PDE4D: variants seen among roughly 807,000 people sequenced by gnomAD.
PDE4D encodes the protein phosphodiesterase 4D.
A neutral mutation model predicts 87.4 loss-of-function variants in PDE4D; 24 were observed. The ratio of observed to expected loss-of-function variants is 0.27; its 90% CI spans 0.20 to 0.39. The LOEUF is 0.39. Among genes scored for constraint, PDE4D ranks in the 10% least tolerant of loss-of-function variants. The probability of loss-of-function intolerance (pLI) is 1.00; values close to 1 mark genes in which losing one functional copy is unlikely to be tolerated. For missense variants in PDE4D, 714 were observed against 1,041.0 expected, an observed-to-expected ratio of 0.69 and a Z score of 4.32; for synonymous variants, 384 against 383.2, an observed-to-expected ratio of 1.00 and a Z score of -0.02.
chr5:60,451,278 G>C (rs573585449), intron 1 of PDE4D, among the ~76,000 whole-genome samples: 1 of 152,180 alleles, frequency 6.6e-6, no homozygotes, highest in East Asian at 1.9e-4. Context: ...ACATATTTGG[G>C]AGGTACATGT....
chr5:59,345,374 T>C (rs1779442514), intron 1 of PDE4D, among the ~76,000 whole-genome samples: 1 of 152,196 alleles, frequency 6.6e-6, no homozygotes, highest in Non-Finnish European at 1.5e-5. Flanking sequence ...AGATTATTTA[T>C]TGGTTTTTGC....
intron 1 of PDE4D, among the ~76,000 whole-genome samples, chr5:59,871,845 G>T (rs968845277): frequency 6.6e-6 from 1 of 152,130 alleles, no homozygotes; most frequent in Non-Finnish European, 1.5e-5. Flanking sequence ...AAACCTCGGG[G>T]TCATCACTGA....
intron 2 of PDE4D, among the ~76,000 whole-genome samples, chr5:60,072,850 T>C (rs1772871770): frequency 6.6e-6 from 1 of 152,142 alleles, no homozygotes; most frequent in African/African-American, 2.4e-5. Flanking sequence ...TCACTGGTCA[T>C]GTTTCTGTTT....
chr5:60,334,219 C>A (rs935271461), intron 1 of PDE4D, among the ~76,000 whole-genome samples: 4 of 152,142 alleles, frequency 2.6e-5, no homozygotes, highest in Admixed American at 2.0e-4. Flanking sequence ...CTGTATACAT[C>A]ATGAAAAGGC....
intron 1 of PDE4D, among the ~76,000 whole-genome samples, chr5:59,833,803 C>G (rs1383479132): frequency 3.3e-5 from 5 of 152,014 alleles, no homozygotes; most frequent in African/African-American, 1.2e-4. Flanking sequence ...GCTCAAGCAT[C>G]ACATATAGGT....
intron 6 of PDE4D, among the ~76,000 whole-genome samples, chr5:59,017,042 A>G (rs1428864776): frequency 6.6e-6 from 1 of 152,174 alleles, no homozygotes; most frequent in Non-Finnish European, 1.5e-5. Flanking sequence ...AATGCCTAGA[A>G]TAAGCCAACC....
At chr5:59,968,587 A>AT (rs1208995538) in intron 3 of PDE4D, among the ~76,000 whole-genome samples, 1 of 152,188 alleles carries the variant, frequency 6.6e-6, no homozygotes, top group Non-Finnish European at 1.5e-5. Context: ...GAAATAAAAA[A>AT]ATATATAAAG....
At chr5:59,068,257 A>C (rs1323740768) in intron 5 of PDE4D, among the ~76,000 whole-genome samples, 1 of 152,196 alleles carries the variant, frequency 6.6e-6, no homozygotes, top group East Asian at 1.9e-4. Context: ...GATTGTTGAT[A>C]TTGGTAGTGT....
At position 59,914,017 on chromosome 5, in the gene PDE4D, C is replaced by G. The variant is rs750068191; in HGVS notation, c.272+74471G>C. On this transcript the variant is annotated intron_variant, in intron 3 of 16. Coordinates refer to the PDE4D transcript ENST00000502484. Reference sequence around the variant, plus strand: ...ATGGTTTAAGAATAGTCTGGGCCACCTTGAGTAGAATATGTACATTTCTCT... The same window carrying G: ...ATGGTTTAAGAATAGTCTGGGCCACGTTGAGTAGAATATGTACATTTCTCT... 3.4e-4 allele frequency among the ~76,000 whole-genome samples: 51 copies of G among 152,184 alleles called. 2 individuals are homozygous for G. The highest frequency in any genetic ancestry group is 2.6e-4 in the Non-Finnish European group (18 of 67,988).
At chr5:58,976,249 G>A in intron 13 of PDE4D, 101 bp downstream of exon 13, 1 of 1,261,706 alleles carries the variant, frequency 7.9e-7, no homozygotes. Context: ...AAAGTATAAG[G>A]TGGGAGAAGG....
upstream of PDE4D, chr5:60,491,237 T>C (rs1749514666): frequency 6.6e-6 from 1 of 152,176 alleles, no homozygotes; most frequent in African/African-American, 2.4e-5. Flanking sequence ...AAAAAAATGC[T>C]TTAATTCAAA....
At chr5:60,129,314 CA>C (rs1187938195) in intron 2 of PDE4D, among the ~76,000 whole-genome samples, 1 of 152,056 alleles carries the variant, frequency 6.6e-6, no homozygotes, top group Non-Finnish European at 1.5e-5. Flanking sequence ...GAGGAGGAAA[CA>C]AAGGGCCAAC....
intron 1 of PDE4D, among the ~76,000 whole-genome samples, chr5:60,457,279 T>C (rs913830246): frequency 2.6e-5 from 4 of 152,134 alleles, no homozygotes; most frequent in African/African-American, 7.2e-5. Context: ...ATAAGGCCTT[T>C]TTCCCTCCTG....
rs537560330 is a variant in PDE4D, at chr5:59,590,362, A to G, written c.455+302806T>C. ...ATCTATTTTGTTACACTAAAAGATA[A>G]TCATCCTTTCATGAAACTTTTAAGA... On this transcript the variant is annotated intron_variant, in intron 1 of 14. Coordinates refer to ENST00000340635, the MANE Select transcript of PDE4D (RefSeq NM_001104631.2). 3.9e-5 allele frequency among the ~76,000 whole-genome samples: 6 copies of G among 152,320 alleles called. No homozygotes were observed. The South Asian group carries it at 1.2e-3, about 32-fold the overall frequency.
chr5:59,030,003 T>G (rs1225206462), intron 6 of PDE4D, among the ~76,000 whole-genome samples: 3 of 152,084 alleles, frequency 2.0e-5, no homozygotes, highest in African/African-American at 7.2e-5. Flanking sequence ...GAAACTGTAC[T>G]CTTATCTCAC....
At chr5:60,493,714 A>C (rs2150237718) in intron 1 of PDE4D, among the ~76,000 whole-genome samples, 1 of 152,166 alleles carries the variant, frequency 6.6e-6, no homozygotes, top group East Asian at 1.9e-4. Context: ...ATTCCTGAGA[A>C]CCCAGGCTCA....
At position 59,312,151 on chromosome 5, in the gene PDE4D, T is replaced by A. The variant is rs142786542; in HGVS notation, c.456-96183A>T. Among the ~76,000 whole-genome samples the A allele has an allele frequency of 1.3e-3, 191 of 152,246 alleles. 1 individual carries two copies. In the Middle Eastern group the frequency reaches 0.014, roughly 11 times the overall value. On this transcript the variant is annotated intron_variant, in intron 1 of 14. Coordinates refer to ENST00000340635, the MANE Select transcript of PDE4D (RefSeq NM_001104631.2). Reference sequence around the variant, plus strand: ...CCAACTGAACTCGTCCAGGTCCAGATCCCCTTTTCCATGTACGACTTTTGA... The same window carrying A: ...CCAACTGAACTCGTCCAGGTCCAGAACCCCTTTTCCATGTACGACTTTTGA...
intron 1 of PDE4D, among the ~76,000 whole-genome samples, chr5:59,877,255 G>A (rs1228312509): frequency 6.6e-6 from 1 of 152,154 alleles, no homozygotes; most frequent in Non-Finnish European, 1.5e-5. Flanking sequence ...TATATCAAAT[G>A]CAAAGGCTTG....
At position 59,176,457 on chromosome 5, in the gene PDE4D, G is replaced by A. The variant is rs527941833; in HGVS notation, c.808+4138C>T. On this transcript the variant is annotated intron_variant, in intron 5 of 14. Coordinates refer to ENST00000340635, the MANE Select transcript of PDE4D (RefSeq NM_001104631.2). The stretch of plus-strand genomic sequence containing the variant: ...TAATCCCAGCTACTTGGGAGGCTGA[G>A]GCAGGAGAATTGCTTGAACCCAGGA... 6.6e-5 allele frequency among the ~76,000 whole-genome samples: 10 copies of A among 152,152 alleles called. No homozygotes were observed. In the South Asian group the frequency reaches 2.1e-3, roughly 32 times the overall value.
Sources: allele counts gnomAD v4.1 joint callset (sites outside exome capture counted in the v4.1 genomes callset), GRCh38; gene constraint gnomAD v4.1.1; transcripts MANE v1.5; gene names NCBI Gene and HGNC (gene_info 2026-07-23, HGNC 2026-07-21).